TECRL: variants seen among roughly 807,000 people sequenced by gnomAD.
TECRL encodes the protein trans-2,3-enoyl-CoA reductase like.
In TECRL, 63 loss-of-function variants were observed where a neutral mutation model predicts 52.8. That is an observed-to-expected ratio of 1.19 (90% CI 0.97 to 1.47). The LOEUF (loss-of-function observed/expected upper bound fraction) is 1.47, where lower values mean the gene tolerates loss of function less well. Among genes scored for constraint, TECRL ranks in the 40% most tolerant of loss-of-function variants. The pLI, the probability that TECRL is intolerant of heterozygous loss-of-function variation, is 0.00. For synonymous variants in TECRL, 164 were observed against 141.9 expected (o/e 1.16, Z -1.10); for missense variants, 482 against 429.6 (o/e 1.12, Z -1.08).
At chr4:64,367,110 T>A (rs536780794) in intron 2 of TECRL, among the ~76,000 whole-genome samples, 1 of 152,226 alleles carries the variant, frequency 6.6e-6, no homozygotes, top group East Asian at 1.9e-4. Flanking sequence ...TGGAGGCCAT[T>A]ATCATGTGTA....
At chr4:64,398,182 C>T (rs1482186503) in intron 1 of TECRL, among the ~76,000 whole-genome samples, 2 of 151,976 alleles carry the variant, frequency 1.3e-5, no homozygotes, top group African/African-American at 2.4e-5. Context: ...TTATTCAAGG[C>T]TCTGTGCCAT....
intron 1 of TECRL, among the ~76,000 whole-genome samples, chr4:64,387,362 C>T (rs1723249465): frequency 6.6e-6 from 1 of 152,068 alleles, no homozygotes; most frequent in African/African-American, 2.4e-5. Context: ...GATGCAGCTG[C>T]CATAAACATC....
At position 64,303,578 on chromosome 4, in the gene TECRL, T is replaced by C. The variant is rs1008353566; in HGVS notation, c.730+1588A>G. On this transcript the variant is annotated intron_variant, in intron 7 of 11. Coordinates refer to ENST00000381210, the MANE Select transcript of TECRL (RefSeq NM_001010874.5). ...GAAAATCTGCCTACATTTTCTAAAG[T>C]TTAGATATTCATCTGTAAAGTGGGA... Among the ~76,000 whole-genome samples, 4 of 151,886 alleles carry C rather than the reference T, an allele frequency of 2.6e-5. No homozygotes were observed. The South Asian group carries it at 8.3e-4, about 31-fold the overall frequency.
At chr4:64,394,313 A>C (rs1281059673) in intron 1 of TECRL, among the ~76,000 whole-genome samples, 1 of 152,156 alleles carries the variant, frequency 6.6e-6, no homozygotes, top group East Asian at 1.9e-4. Flanking sequence ...TATCAAACAT[A>C]ATAGCACCAT....
chr4:64,312,797 T>C (rs1717135569), intron 5 of TECRL, among the ~76,000 whole-genome samples: 1 of 151,352 alleles, frequency 6.6e-6, no homozygotes, highest in Admixed American at 6.6e-5. Flanking sequence ...TATGAGTCAA[T>C]TCCTTTGAGA....
chr4:64,393,643 A>G (rs6845013), intron 1 of TECRL, among the ~76,000 whole-genome samples: 135,828 of 151,804 alleles, frequency 0.89, 61,467 homozygotes, highest in East Asian at 1. Context: ...TTCTGCTTCT[A>G]TATTGAGTAG....
chr4:64,398,609 C>A (rs1187352569), intron 1 of TECRL, among the ~76,000 whole-genome samples: 1 of 152,180 alleles, frequency 6.6e-6, no homozygotes, highest in African/African-American at 2.4e-5. Flanking sequence ...GCCCACAGAA[C>A]TATGGGACAA....
At chr4:64,325,480 C>T (rs562162179) in intron 3 of TECRL, among the ~76,000 whole-genome samples, 5 of 152,172 alleles carry the variant, frequency 3.3e-5, no homozygotes, top group African/African-American at 1.2e-4. Flanking sequence ...CAGTCTTATA[C>T]AATCCTAATC....
At chr4:64,317,142 G>A (rs1171778726) in intron 4 of TECRL, among the ~76,000 whole-genome samples, 3 of 152,092 alleles carry the variant, frequency 2.0e-5, no homozygotes, top group African/African-American at 7.2e-5. Context: ...GCCGGGCGTG[G>A]TGGCAGGTGC....
intron 4 of TECRL, among the ~76,000 whole-genome samples, chr4:64,319,998 G>A (rs1717786226): frequency 6.6e-6 from 1 of 151,820 alleles, no homozygotes; most frequent in Non-Finnish European, 1.5e-5. Flanking sequence ...TAAGGATGAA[G>A]CAATTCTCTA....
intron 9 of TECRL, among the ~76,000 whole-genome samples, chr4:64,286,631 C>T (rs1723095887): frequency 6.6e-6 from 1 of 151,608 alleles, no homozygotes; most frequent in Non-Finnish European, 1.5e-5. Flanking sequence ...CCTCAAAATT[C>T]ATAGACTTTT....
rs192696805 is a variant in TECRL, at chr4:64,323,488, A to G, written c.332-696T>C. Among the ~76,000 whole-genome samples, 492 of 152,292 alleles carry G rather than the reference A, an allele frequency of 3.2e-3. 2 individuals carry two copies. The highest frequency in any genetic ancestry group is 0.011 in the African/African-American group (475 of 41,564). On this transcript the variant is annotated intron_variant, in intron 3 of 11. Transcript: ENST00000381210. ...TTTCTAAATGATTTTATAAGAGCAT[A>G]AATTAGTGGTGGATAGATGAATGGT... is the stretch of plus-strand genomic sequence containing the variant.
At chr4:64,335,731 A>G (rs1031350117) in intron 2 of TECRL, among the ~76,000 whole-genome samples, 4 of 152,198 alleles carry the variant, frequency 2.6e-5, no homozygotes, top group Non-Finnish European at 2.9e-5. Context: ...TAGTATTTAT[A>G]TTTCATAATA....
At position 64,409,220 on chromosome 4, in the gene TECRL, G is replaced by A. The variant is rs201646959; in HGVS notation, c.132C>T (p.Gly44=). The change falls in exon 1 of 12, where the codon GGC becomes GGT. Residue 44 remains glycine, a synonymous_variant. Transcript: ENST00000381210. ...HFLSKLVLSA[G]PLRPTPAVKH... is the part of the protein sequence containing the mutation. Reference sequence around the variant, plus strand: ...TGACTGCTGGAGTTGGTCTTAGAGGGCCCGCTGAGAGTACAAGTTTTGACA... The same window carrying A: ...TGACTGCTGGAGTTGGTCTTAGAGGACCCGCTGAGAGTACAAGTTTTGACA... 102 of 1,613,644 alleles carry A rather than the reference G, an allele frequency of 6.3e-5. 1 individual carries two copies. Among genetic ancestry groups the A allele is most frequent in the Admixed American group, 1.7e-4 (10 of 59,972 alleles).
At chr4:64,360,404 T>A (rs1721091417) in intron 2 of TECRL, among the ~76,000 whole-genome samples, 1 of 152,204 alleles carries the variant, frequency 6.6e-6, no homozygotes, top group Admixed American at 6.6e-5. Flanking sequence ...TGAACTATTT[T>A]GAAGTATGTT....
intron 2 of TECRL, among the ~76,000 whole-genome samples, chr4:64,340,219 C>G (rs1718895787): frequency 6.6e-6 from 1 of 152,138 alleles, no homozygotes; most frequent in South Asian, 2.1e-4. Flanking sequence ...GGCAGGAGTT[C>G]CCTGGGTTCT....
Position 64,333,412 on chromosome 4 carries a change from A to G in TECRL, c.287-4856T>C, listed in dbSNP as rs544078784. Among the ~76,000 whole-genome samples the G allele has an allele frequency of 1.1e-4, 17 of 152,300 alleles. 1 individual carries two copies. Among genetic ancestry groups the G allele is most frequent in the African/African-American group, 3.8e-4 (16 of 41,574 alleles). ...TCTAAAGGACCAATTTGAGAAAAAG[A>G]AGTTGATTTCAAGAGAAAGCGATGA... is the stretch of plus-strand genomic sequence containing the variant. On this transcript the variant is annotated intron_variant, in intron 2 of 11. Transcript: ENST00000381210.
At chr4:64,398,516 G>C (rs180713415) in intron 1 of TECRL, among the ~76,000 whole-genome samples, 1 of 152,084 alleles carries the variant, frequency 6.6e-6, no homozygotes, top group Non-Finnish European at 1.5e-5. Context: ...TGATACACCT[G>C]CTCCCTCTTC....
chr4:64,364,905 A>G (rs2109630685), intron 2 of TECRL, among the ~76,000 whole-genome samples: 1 of 152,058 alleles, frequency 6.6e-6, no homozygotes, highest in Non-Finnish European at 1.5e-5. Flanking sequence ...AACTCATTCT[A>G]TGAGGCCAGC....
Sources: allele counts gnomAD v4.1 joint callset (sites outside exome capture counted in the v4.1 genomes callset), GRCh38; gene constraint gnomAD v4.1.1; transcripts MANE v1.5; gene names NCBI Gene and HGNC (gene_info 2026-07-23, HGNC 2026-07-21).